The following CNTN3 variants were observed in gnomAD, a reference collection of about 807,000 sequenced individuals.
CNTN3 encodes the protein contactin-3.
A neutral mutation model predicts 119.1 loss-of-function variants in CNTN3; 60 were observed. The observed-to-expected ratio is 0.50, with a 90% CI of 0.41 to 0.62. The LOEUF is 0.62. Ranked by LOEUF, CNTN3 falls within the 20% of genes least tolerant of loss-of-function variation. CNTN3 has a pLI of 0.00. For missense variants in CNTN3, 1,101 were observed against 1,242.4 expected, an observed-to-expected ratio of 0.89 and a Z score of 1.71; for synonymous variants, 450 against 438.7, an observed-to-expected ratio of 1.03 and a Z score of -0.32.
chr3:74,588,387 C>G (rs1214879406), intron 1 of CNTN3, among the ~76,000 whole-genome samples: 4 of 152,058 alleles, frequency 2.6e-5, no homozygotes, highest in African/African-American at 9.7e-5. Flanking sequence ...ACCTAGGAAT[C>G]CAACGTACAA....
intron 1 of CNTN3, among the ~76,000 whole-genome samples, chr3:74,597,425 G>A (rs921092744): frequency 2.0e-5 from 3 of 151,788 alleles, no homozygotes; most frequent in African/African-American, 7.3e-5. Flanking sequence ...GTTCCTTCTA[G>A]CTACTGAGCT....
intron 11 of CNTN3, among the ~76,000 whole-genome samples, chr3:74,352,894 C>T (rs966058767): frequency 1.3e-5 from 2 of 152,172 alleles, no homozygotes; most frequent in Admixed American, 6.5e-5. Flanking sequence ...GCTTGCACGC[C>T]TACCTGACAG....
intron 13 of CNTN3, among the ~76,000 whole-genome samples, chr3:74,305,094 T>C (rs1702533098): frequency 6.6e-6 from 1 of 152,228 alleles, no homozygotes; most frequent in African/African-American, 2.4e-5. Context: ...GTTTAACACA[T>C]GGCCCATGCT....
rs1306496027 is a variant in CNTN3, at chr3:74,486,507, T to C, written c.307A>G (p.Thr103Ala). The change falls in exon 4 of 23, where the codon ACA (threonine) becomes GCA (alanine). Residue 103 changes from threonine to alanine, a missense_variant. Physicochemically the swap from Thr to Ala is moderately conservative, Grantham distance 58. Coordinates refer to ENST00000263665, the MANE Select transcript of CNTN3 (RefSeq NM_020872.3). ...CTGACAATTGTTCCAAGTGAATTTGTTGCAAAACATTGGTAAGTTCCTGTA... is the reference window on the plus strand; with the variant it reads ...CTGACAATTGTTCCAAGTGAATTTGCTGCAAAACATTGGTAAGTTCCTGTA... ...WDTGTYQCFA[T>A]NSLGTIVSRE... 1 of 1,606,400 alleles carries C rather than the reference T, an allele frequency of 6.2e-7. No homozygotes were observed. The highest frequency in any genetic ancestry group is 8.5e-7 in the Non-Finnish European group (1 of 1,178,354).
chr3:74,362,113 T>G (rs781688991), intron 10 of CNTN3, 73 bp from the exon 11 acceptor site: 19 of 1,546,718 alleles, frequency 1.2e-5, no homozygotes, highest in Non-Finnish European at 1.7e-5. Context: ...AAGGTCCACT[T>G]TTACAGTTTT....
chr3:74,278,999 A>T (rs1289661011), intron 20 of CNTN3, among the ~76,000 whole-genome samples: 1 of 152,226 alleles, frequency 6.6e-6, no homozygotes, highest in African/African-American at 2.4e-5. Flanking sequence ...GCCAACCAAC[A>T]TATGAAAAAA....
chr3:74,504,527 A>G (rs1703218777), intron 2 of CNTN3, among the ~76,000 whole-genome samples: 1 of 152,222 alleles, frequency 6.6e-6, no homozygotes. Context: ...GAAAATGCCA[A>G]AGAAACAAGA....
At chr3:74,416,716 A>C (rs970879943) in intron 5 of CNTN3, among the ~76,000 whole-genome samples, 2 of 152,176 alleles carry the variant, frequency 1.3e-5, no homozygotes, top group African/African-American at 4.8e-5. Context: ...AGCTGGGCGC[A>C]GTGGCTCACA....
intron 5 of CNTN3, among the ~76,000 whole-genome samples, chr3:74,407,701 T>A (rs1377566019): frequency 6.6e-6 from 1 of 152,016 alleles, no homozygotes; most frequent in Non-Finnish European, 1.5e-5. Context: ...CAGTGACAGA[T>A]GCATTGAACA....
intron 3 of CNTN3, among the ~76,000 whole-genome samples, chr3:74,494,491 C>T (rs986346401): frequency 3.3e-5 from 5 of 152,060 alleles, no homozygotes; most frequent in Non-Finnish European, 5.9e-5. Flanking sequence ...TTCCAGTTGA[C>T]ATTTTGCAGA....
intron 1 of CNTN3, among the ~76,000 whole-genome samples, chr3:74,590,847 C>T (rs1314359029): frequency 6.6e-6 from 1 of 151,966 alleles, no homozygotes; most frequent in Admixed American, 6.6e-5. Context: ...GCAACTACAC[C>T]TTCAATGGGA....
intron 9 of CNTN3, among the ~76,000 whole-genome samples, 160 bp downstream of exon 9, chr3:74,365,406 A>T (rs1704165169): frequency 6.6e-6 from 1 of 152,008 alleles, no homozygotes; most frequent in Non-Finnish European, 1.5e-5. Context: ...TTGATTTGAT[A>T]TTTTTCCTCC....
At chr3:74,524,256 T>TTACTGAGTA (rs1318129733) in intron 1 of CNTN3, among the ~76,000 whole-genome samples, 2 of 151,898 alleles carry the variant, frequency 1.3e-5, no homozygotes, top group East Asian at 3.9e-4. Context: ...CAGTAAAAAT[T>TTACTGAGTA]TACTGAGTAC....
chr3:74,448,110 T>C (rs767871844), intron 4 of CNTN3, among the ~76,000 whole-genome samples: 3 of 152,168 alleles, frequency 2.0e-5, no homozygotes, highest in Non-Finnish European at 4.4e-5. Flanking sequence ...CAAGTATGCA[T>C]ACACTTACTC....
chr3:74,451,779 C>T (rs1336581761), intron 4 of CNTN3, among the ~76,000 whole-genome samples: 25 of 148,506 alleles, frequency 1.7e-4, no homozygotes, highest in Admixed American at 3.4e-4. Context: ...GGAATCCTTT[C>T]CCCATTGCTT....
intron 14 of CNTN3, among the ~76,000 whole-genome samples, chr3:74,302,081 A>C (rs1702471488): frequency 6.6e-6 from 1 of 152,166 alleles, no homozygotes; most frequent in Non-Finnish European, 1.5e-5. Flanking sequence ...CACTTTTAAA[A>C]GCCTCTGTTC....
At chr3:74,500,834 C>T (rs79820240) in intron 2 of CNTN3, among the ~76,000 whole-genome samples, 4,909 of 152,068 alleles carry the variant, frequency 0.032, 103 homozygotes, top group South Asian at 0.074. Flanking sequence ...GTAAATTCTG[C>T]ATGCCCAAAT....
chr3:74,456,549 A>T (rs919139117), intron 4 of CNTN3, among the ~76,000 whole-genome samples: 4 of 152,100 alleles, frequency 2.6e-5, no homozygotes, highest in African/African-American at 9.7e-5. Flanking sequence ...GGAGGAATGG[A>T]TGAAAACACA....
intron 1 of CNTN3, among the ~76,000 whole-genome samples, chr3:74,583,456 G>A (rs1158004844): frequency 2.6e-5 from 4 of 151,954 alleles, no homozygotes; most frequent in Non-Finnish European, 5.9e-5. Context: ...GCAAAACAGC[G>A]AGGCTCTAAA....
Sources: gnomAD v4.1 joint callset for allele counts (sites outside exome capture counted in the v4.1 genomes callset) on GRCh38, gnomAD v4.1.1 for gene constraint, MANE v1.5 for transcripts, NCBI Gene and HGNC (gene_info 2026-07-23, HGNC 2026-07-21) for gene names.